ELMOD2: variants seen among roughly 807,000 people sequenced by gnomAD.
ELMOD2 encodes the protein ELMO domain containing 2, also known as ELMO domain-containing protein 2.
Under a neutral mutation model 41.0 loss-of-function variants are expected in ELMOD2, and 28 were observed. The ratio of observed to expected loss-of-function variants is 0.68; its 90% CI spans 0.51 to 0.94. ELMOD2 has a LOEUF of 0.94. Among genes scored for constraint, ELMOD2 ranks in the 40% least tolerant of loss-of-function variants. The probability of loss-of-function intolerance (pLI) is 0.00; values close to 1 mark genes in which losing one functional copy is unlikely to be tolerated. For synonymous variants in ELMOD2, 106 were observed against 107.2 expected, an observed-to-expected ratio of 0.99 and a Z score of 0.07; for missense variants, 333 against 343.1, an observed-to-expected ratio of 0.97 and a Z score of 0.23.
intron 8 of ELMOD2, 25 bp from the exon 9 acceptor site, chr4:140,550,205 A>G: frequency 6.3e-7 from 1 of 1,591,126 alleles, no homozygotes; most frequent in Non-Finnish European, 8.6e-7. Flanking sequence ...TGAGGATTAA[A>G]TGTTTTGTTT....
chr4:140,540,937 A>G (rs1735087360), intron 6 of ELMOD2, among the ~76,000 whole-genome samples: 1 of 152,094 alleles, frequency 6.6e-6, no homozygotes, highest in Admixed American at 6.5e-5. Context: ...AAATATAACC[A>G]GATAAGGTGA....
chr4:140,546,230 G>C (rs865791410), intron 8 of ELMOD2, among the ~76,000 whole-genome samples: 1 of 151,888 alleles, frequency 6.6e-6, no homozygotes, highest in Admixed American at 6.6e-5. Flanking sequence ...GCAAACTATC[G>C]CAAGGACAGA....
intron 8 of ELMOD2, among the ~76,000 whole-genome samples, chr4:140,549,681 CTTTTTTTTTTTTTTT>C (rs10538089): frequency 9.3e-5 from 4 of 42,930 alleles, no homozygotes; most frequent in Non-Finnish European, 1.5e-4. Context: ...AGTACTACAT[CTTTTTTTTTTTTTTT>C]TTTTTTTTTT....
intron 7 of ELMOD2, 39 bp downstream of exon 7, chr4:140,542,681 T>G: frequency 7.2e-7 from 1 of 1,389,952 alleles, no homozygotes; most frequent in South Asian, 1.3e-5. Context: ...ATCTCTTGCA[T>G]TTATAATGAT....
intron 5 of ELMOD2, among the ~76,000 whole-genome samples, chr4:140,538,728 A>T (rs1052478561): frequency 6.6e-6 from 1 of 152,218 alleles, no homozygotes; most frequent in African/African-American, 2.4e-5. Flanking sequence ...CATACTCAGC[A>T]GTCTTACTGG....
At position 140,553,650 on chromosome 4, in the gene ELMOD2, A is replaced by G. The variant is rs962424852; in HGVS notation, c.*3275A>G. On this transcript the variant is annotated 3_prime_UTR_variant, in exon 9 of 9. Transcript: ENST00000323570. ...GAAAAAGTACCACTTGGACACTTAA[A>G]GGAATTGGGATTTTTGTCTACTTTG... is the stretch of plus-strand genomic sequence containing the variant. 6.6e-6 allele frequency: 1 copy of G among 152,164 alleles called. No individual in the cohort carries two copies. Among genetic ancestry groups the G allele is most frequent in the African/African-American group, 2.4e-5 (1 of 41,454 alleles). The allele number at this position is 152,164 out of a possible 1,614,324, so 9.4% of individuals were successfully genotyped here.
intron 8 of ELMOD2, among the ~76,000 whole-genome samples, chr4:140,545,878 A>C (rs945745342): frequency 6.6e-6 from 1 of 152,278 alleles, no homozygotes; most frequent in East Asian, 1.9e-4. Context: ...ACACTTTTAC[A>C]CTGTTGATGG....
chr4:140,531,126 GA>G (rs1179483635), intron 3 of ELMOD2, among the ~76,000 whole-genome samples: 1 of 152,072 alleles, frequency 6.6e-6, no homozygotes, highest in East Asian at 1.9e-4. Flanking sequence ...TGATATTCAT[GA>G]AAACCTCTTT....
At chr4:140,550,106 T>C (rs1735423206) in intron 8 of ELMOD2, 124 bp from the exon 9 acceptor site, 2 of 793,248 alleles carry the variant, frequency 2.5e-6, no homozygotes, top group Non-Finnish European at 3.9e-6. Flanking sequence ...AGTTTTGAGA[T>C]TACTTTTGAT....
intron 3 of ELMOD2, among the ~76,000 whole-genome samples, chr4:140,530,373 A>G (rs959165090): frequency 1.3e-5 from 2 of 152,204 alleles, no homozygotes; most frequent in African/African-American, 4.8e-5. Flanking sequence ...GGTCTTTGGG[A>G]TATTCAAAAG....
chr4:140,540,013 A>C (rs1735056015), intron 5 of ELMOD2, among the ~76,000 whole-genome samples, 155 bp from the exon 6 acceptor site: 1 of 152,230 alleles, frequency 6.6e-6, no homozygotes, highest in Admixed American at 6.5e-5. Context: ...TTTTAATGGG[A>C]ATAAATGTGC....
intron 8 of ELMOD2, among the ~76,000 whole-genome samples, chr4:140,549,363 G>A (rs1162719141): frequency 5.9e-5 from 9 of 151,958 alleles, no homozygotes; most frequent in African/African-American, 1.2e-4. Flanking sequence ...ATATATGTGT[G>A]TGTGTGTGTG....
At chr4:140,534,575 A>G (rs1056740648) in intron 3 of ELMOD2, among the ~76,000 whole-genome samples, 3 of 152,198 alleles carry the variant, frequency 2.0e-5, no homozygotes, top group African/African-American at 7.2e-5. Context: ...TAGTATATAC[A>G]GGAAAGAGTA....
chr4:140,537,240 A>G (rs1423641561), intron 4 of ELMOD2, among the ~76,000 whole-genome samples, 172 bp from the exon 5 acceptor site: 1 of 152,084 alleles, frequency 6.6e-6, no homozygotes, highest in Non-Finnish European at 1.5e-5. Context: ...TAGGCCTTGT[A>G]TCCTATATAG....
chr4:140,544,021 T>G lies in ELMOD2; in HGVS notation c.736+435T>G, dbSNP rs539532416. Among the ~76,000 whole-genome samples, 150 of 152,238 alleles carry G rather than the reference T, an allele frequency of 9.9e-4. 1 individual carries two copies. The highest frequency in any genetic ancestry group is 3.4e-3 in the African/African-American group (143 of 41,554). On this transcript the variant is annotated intron_variant, in intron 8 of 8. Coordinates refer to ENST00000323570, the MANE Select transcript of ELMOD2 (RefSeq NM_153702.4). Reference sequence around the variant, plus strand: ...CTTGAATTTCAAGGCCAAATTTTCTTGTGGTAGGTTAGAGGTACTGAGTAA... The same window carrying G: ...CTTGAATTTCAAGGCCAAATTTTCTGGTGGTAGGTTAGAGGTACTGAGTAA...
chr4:140,538,458 T>C, intron 5 of ELMOD2, among the ~76,000 whole-genome samples: 1 of 152,182 alleles, frequency 6.6e-6, no homozygotes, highest in Admixed American at 6.5e-5. Flanking sequence ...GTGTATTTTG[T>C]TAAATGAGGA....
intron 3 of ELMOD2, among the ~76,000 whole-genome samples, chr4:140,535,008 A>G (rs1578762417): frequency 6.6e-6 from 1 of 152,162 alleles, no homozygotes; most frequent in Non-Finnish European, 1.5e-5. Context: ...CTCTTCCTGT[A>G]CTCATATTAT....
intron 8 of ELMOD2, 30 bp from the exon 9 acceptor site, chr4:140,550,200 A>G: frequency 3.2e-6 from 5 of 1,580,306 alleles, no homozygotes; most frequent in Non-Finnish European, 4.3e-6. Context: ...AACATTGAGG[A>G]TTAAATGTTT....
chr4:140,551,974 C>G lies in ELMOD2; in HGVS notation c.*1599C>G, dbSNP rs974791168. The G allele has an allele frequency of 6.6e-6, 1 of 151,998 alleles. No homozygotes were observed. Among genetic ancestry groups the G allele is most frequent in the Non-Finnish European group, 1.5e-5 (1 of 67,898 alleles). 9.4% of individuals were successfully genotyped at this position (151,998 alleles called of 1,614,324 possible). A position where few individuals can be genotyped will look rare whatever the true frequency, so the allele number is the denominator to read the frequency against. ...GTGGCAATTTAGCTTTTCAGTATTA[C>G]AGGAATTTAAAAATTGGTTTCTTGT... On this transcript the variant is annotated 3_prime_UTR_variant, in exon 9 of 9. Coordinates refer to ENST00000323570, the MANE Select transcript of ELMOD2 (RefSeq NM_153702.4).
Sources: allele counts gnomAD v4.1 joint callset (sites outside exome capture counted in the v4.1 genomes callset), GRCh38; gene constraint gnomAD v4.1.1; transcripts MANE v1.5; gene names NCBI Gene and HGNC (gene_info 2026-07-23, HGNC 2026-07-21).